SGK1: variants seen among roughly 807,000 people sequenced by gnomAD.
SGK1 encodes the protein serum/glucocorticoid regulated kinase 1.
Under a neutral mutation model 64.2 loss-of-function variants are expected in SGK1, and 26 were observed. The ratio of observed to expected loss-of-function variants is 0.40; its 90% CI spans 0.30 to 0.56. The LOEUF is 0.56. SGK1 is among the 20% of genes least tolerant of loss of function. The pLI is 0.38. For missense variants in SGK1, 519 were observed against 645.6 expected, an observed-to-expected ratio of 0.80 and a Z score of 2.12; for synonymous variants, 265 against 239.7, an observed-to-expected ratio of 1.11 and a Z score of -0.98.
At chr6:134,268,652 G>A (rs941741122) in intron 1 of SGK1, among the ~76,000 whole-genome samples, 13 of 143,898 alleles carry the variant, frequency 9.0e-5, no homozygotes, top group African/African-American at 3.2e-4. Context: ...GAACCCGGGA[G>A]GCGGAGCTTG....
At position 134,248,539 on chromosome 6, in the gene SGK1, C is replaced by T. The variant is rs572569198; in HGVS notation, c.285+13394G>A. On this transcript the variant is annotated intron_variant, in intron 2 of 13. Transcript: ENST00000367858. Reference sequence around the variant, plus strand: ...AAATCCCAGCTCACTGCAACCTGGGCCTCCTGGGTTCAAGTGGTTCTCCTG... The same window carrying T: ...AAATCCCAGCTCACTGCAACCTGGGTCTCCTGGGTTCAAGTGGTTCTCCTG... Among the ~76,000 whole-genome samples the T allele has an allele frequency of 4.3e-3, 653 of 150,188 alleles. 6 individuals are homozygous for T. Among genetic ancestry groups the T allele is most frequent in the African/African-American group, 0.015 (626 of 40,678 alleles).
chr6:134,207,532 AG>A, intron 2 of SGK1, 101 bp from the exon 3 acceptor site: 2 of 789,530 alleles, frequency 2.5e-6, no homozygotes, highest in Non-Finnish European at 4.3e-6. Context: ...GGCTGAAACT[AG>A]TACATATGGC....
At position 134,194,494 on chromosome 6, in the gene SGK1, T is replaced by C. The variant is rs573443137; in HGVS notation, c.361+12862A>G. On this transcript the variant is annotated intron_variant, in intron 3 of 13. Transcript: ENST00000367858. ...AATCATTCTTTGCTCAAATAAGCTG[T>C]TAAATTCAATTTGTCAAAAGTTTTT... Among the ~76,000 whole-genome samples the C allele has an allele frequency of 4.6e-5, 7 of 151,902 alleles. No homozygotes were observed. The South Asian group carries it at 1.5e-3, about 31-fold the overall frequency.
rs1005893683 is a variant in SGK1 at position 134,173,449 on chromosome 6, G to A, written c.618+13C>T. The A allele has an allele frequency of 6.3e-7, 1 of 1,598,256 alleles. No individual in the cohort carries two copies. The highest frequency in any genetic ancestry group is 8.6e-7 in the Non-Finnish European group (1 of 1,168,110). ...AAGGAAGTGTACCAAAAGATCTTCA[G>A]ATTTGAAATTACCTTTCCAAAACTG... is the stretch of plus-strand genomic sequence containing the variant. On this transcript the variant is annotated intron_variant, in intron 6 of 13. Transcript: ENST00000367858.
intron 2 of SGK1, among the ~76,000 whole-genome samples, chr6:134,214,712 A>G (rs1457731581): frequency 1.3e-5 from 2 of 152,346 alleles, no homozygotes; most frequent in East Asian, 1.9e-4. Flanking sequence ...AATTTAAAAG[A>G]TACCATTTCA....
intron 2 of SGK1, among the ~76,000 whole-genome samples, chr6:134,242,980 A>G (rs1398238271): frequency 6.6e-6 from 1 of 152,044 alleles, no homozygotes; most frequent in East Asian, 1.9e-4. Context: ...TAGAAAATAT[A>G]GAATCAATGA....
rs1467356277 is a variant in SGK1, at chr6:134,241,899, C to T, written c.285+20034G>A. On this transcript the variant is annotated intron_variant, in intron 2 of 13. Transcript: ENST00000367858. ...CCTCCCAAAGTGCTGGGATTACAGG[C>T]ATGAGCCACCGTGCCCAGCCTTGTT... 5.3e-5 allele frequency among the ~76,000 whole-genome samples: 8 copies of T among 151,724 alleles called. No homozygotes were observed. In the South Asian group the frequency reaches 1.3e-3, roughly 24 times the overall value.
At position 134,297,855 on chromosome 6, in the gene SGK1, T is replaced by G. The variant is rs1426112067; in HGVS notation, c.69+19537A>C. ...ATCCCCGTGCTTCCCAGCCAGCATC[T>G]GCAGCTCCTCATATTTGATCTGGTA... On this transcript the variant is annotated intron_variant, in intron 1 of 13. Transcript: ENST00000367858. 164 of 770,732 alleles carry G rather than the reference T, an allele frequency of 2.1e-4. 1 individual carries two copies. Among genetic ancestry groups the G allele is most frequent in the Non-Finnish European group, 3.5e-5 (15 of 430,892 alleles). 47.7% of individuals were successfully genotyped at this position (770,732 alleles called of 1,614,324 possible). A position where few individuals can be genotyped will look rare whatever the true frequency, so the allele number is the denominator to read the frequency against.
Position 134,244,652 on chromosome 6 carries a change from C to G in SGK1, c.285+17281G>C, listed in dbSNP as rs143566911. Among the ~76,000 whole-genome samples the G allele has an allele frequency of 3.2e-3, 484 of 152,330 alleles. 2 individuals carry two copies. The highest frequency in any genetic ancestry group is 0.011 in the African/African-American group (475 of 41,558). ...GCCCTCCATGGGCTGCATCCACTGT[C>G]TAACCAGTACCAGTGAGATGAACCA... On this transcript the variant is annotated intron_variant, in intron 2 of 13. Coordinates refer to ENST00000367858, the MANE Select transcript of SGK1 (RefSeq NM_001143676.3).
rs562848248 is a variant in SGK1 at position 134,301,480 on chromosome 6, G to A, written c.69+15912C>T. On this transcript the variant is annotated intron_variant, in intron 1 of 13. Coordinates refer to ENST00000367858, the MANE Select transcript of SGK1 (RefSeq NM_001143676.3). ...AGAAGCCACAACTGAGTATTCCAAG[G>A]AGGAGCGGTCCACAGGAAGGACCAC... is the stretch of plus-strand genomic sequence containing the variant. 1.2e-3 allele frequency among the ~76,000 whole-genome samples: 179 copies of A among 152,238 alleles called. 1 individual carries two copies. Among genetic ancestry groups the A allele is most frequent in the Middle Eastern group, 0.01 (3 of 294 alleles).
rs768634473 is a variant in SGK1 at position 134,173,526 on chromosome 6, T to C, written c.554A>G (p.Asn185Ser). ...SQQINLGPSS[N>S]PHAKPSDFHF... The stretch of plus-strand genomic sequence containing the variant: ...AAAGTCAGATGGTTTAGCATGAGGA[T>C]TGGACGACGGGCCAAGGTTGATTTG... Residue 185 changes from asparagine to serine, a missense_variant, in exon 6 of 14, where the codon AAT (asparagine) becomes AGT (serine). Coordinates refer to ENST00000367858, the MANE Select transcript of SGK1 (RefSeq NM_001143676.3). The C allele has an allele frequency of 1.4e-5, 23 of 1,612,770 alleles. No individual in the cohort carries two copies. Among genetic ancestry groups the C allele is most frequent in the East Asian group, 2.2e-5 (1 of 44,884 alleles).
chr6:134,299,255 C>T (rs1777410316), intron 1 of SGK1, among the ~76,000 whole-genome samples: 2 of 150,298 alleles, frequency 1.3e-5, no homozygotes, highest in African/African-American at 4.9e-5. Flanking sequence ...GTTCCAGCTA[C>T]TCTGGAGGCT....
At position 134,170,502 on chromosome 6, in the gene SGK1, A is replaced by G. The variant is rs370002009; in HGVS notation, c.1414-67T>C. ...CTAGACACAGGACAGGGAAATCTTG[A>G]CCAGGCTTTAAATACCAAGTTTAAG... On this transcript the variant is annotated intron_variant, in intron 13 of 13. Transcript: ENST00000367858. 116 of 1,458,114 alleles carry G rather than the reference A, an allele frequency of 8.0e-5. No individual in the cohort carries two copies. In the African/African-American group the frequency reaches 1.5e-3, roughly 19 times the overall value. 90.3% of individuals were successfully genotyped at this position (1,458,114 alleles called of 1,614,324 possible).
At chr6:134,175,166 G>T (rs1775189587) in intron 3 of SGK1, among the ~76,000 whole-genome samples, 1 of 152,182 alleles carries the variant, frequency 6.6e-6, no homozygotes, top group Non-Finnish European at 1.5e-5. Context: ...GGGCCGGAGA[G>T]CCCGGGGTAG....
chr6:134,297,989 C>T, intron 1 of SGK1: 1 of 822,828 alleles, frequency 1.2e-6, no homozygotes, highest in Non-Finnish European at 2.1e-6. Flanking sequence ...CCATGGACAG[C>T]ATCACAGACG....
intron 1 of SGK1, among the ~76,000 whole-genome samples, chr6:134,313,544 A>G (rs1412991289): frequency 6.6e-6 from 1 of 151,662 alleles, no homozygotes; most frequent in Non-Finnish European, 1.5e-5. Context: ...TTGAGAACTT[A>G]GCAAAAAGGA....
chr6:134,281,805 C>T, intron 1 of SGK1, among the ~76,000 whole-genome samples: 1 of 152,056 alleles, frequency 6.6e-6, no homozygotes, highest in East Asian at 1.9e-4. Context: ...CAAGCCTGGT[C>T]CAATTCTGAT....
intron 4 of SGK1, 51 bp downstream of exon 4, chr6:134,174,459 GC>G (rs1010697063): frequency 4.4e-6 from 6 of 1,358,392 alleles, no homozygotes; most frequent in Middle Eastern, 1.8e-4. Context: ...AATGTTTACC[GC>G]TGGCAAATTC....
intron 2 of SGK1, among the ~76,000 whole-genome samples, chr6:134,215,397 T>C (rs1582717092): frequency 6.6e-6 from 1 of 151,716 alleles, no homozygotes; most frequent in African/African-American, 2.4e-5. Flanking sequence ...ATTACAGGCA[T>C]GAGCCACGGC....
Sources: allele counts gnomAD v4.1 joint callset (sites outside exome capture counted in the v4.1 genomes callset), GRCh38; gene constraint gnomAD v4.1.1; transcripts MANE v1.5; gene names NCBI Gene and HGNC (gene_info 2026-07-23, HGNC 2026-07-21).